ZEB1: variants seen among roughly 807,000 people sequenced by gnomAD.
The protein encoded by ZEB1 is zinc finger E-box binding homeobox 1, also known as zinc finger E-box-binding homeobox 1.
In ZEB1, 21 loss-of-function variants were observed where a neutral mutation model predicts 84.9. The observed-to-expected ratio is 0.25, with a 90% CI of 0.18 to 0.36. The LOEUF (loss-of-function observed/expected upper bound fraction) is 0.36. Among genes scored for constraint, ZEB1 ranks in the 10% least tolerant of loss-of-function variants. ZEB1 has a pLI of 1.00. For missense variants in ZEB1, 1,104 were observed against 1,330.2 expected (o/e 0.83, Z 2.65); for synonymous variants, 420 against 471.1 (o/e 0.89, Z 1.41).
chr10:31,500,077 T>C (rs1489307613), intron 3 of ZEB1, among the ~76,000 whole-genome samples: 2 of 151,998 alleles, frequency 1.3e-5, no homozygotes, highest in African/African-American at 2.4e-5. Context: ...GTAGAAAATA[T>C]AAGATGGAGA....
Position 31,527,081 on chromosome 10 carries a change from A to G in ZEB1, c.3195A>G (p.Glu1065=), listed in dbSNP as rs1592146630. The G allele has an allele frequency of 6.3e-7, 1 of 1,583,774 alleles. No individual in the cohort carries two copies. The highest frequency in any genetic ancestry group is 1.4e-5 in the African/African-American group (1 of 73,612). The part of the protein sequence containing the change: ...KECEKPQGDE[E]EEEEEEEVEE... ...GTGAAAAACCACAAGGGGATGAGGA[A>G]GAGGAGGAGGAGGAGGAAGAAGTGG... The change falls in exon 9 of 9, where the codon GAA becomes GAG. Residue 1065 remains glutamate (E), a synonymous_variant. Transcript: ENST00000424869.
rs2073794316 is a variant in ZEB1, at chr10:31,528,108, A to G, written c.*844A>G. ...TGAAGGATATGACATGAAGCTTTGT[A>G]TCTCCTTTGGCCTTAAGCAAGACCT... On this transcript the variant is annotated 3_prime_UTR_variant, in exon 9 of 9. Transcript: ENST00000424869. 6.6e-6 allele frequency: 1 copy of G among 152,190 alleles called. No individual in the cohort carries two copies. Among genetic ancestry groups the G allele is most frequent in the South Asian group, 2.1e-4 (1 of 4,828 alleles). The allele number at this position is 152,190 out of a possible 1,614,324, so 9.4% of individuals were successfully genotyped here.
chr10:31,526,616 A>G lies in ZEB1; in HGVS notation c.2786-56A>G, dbSNP rs1406935503. ...ACATGAAGTACCCCAAAAACCGTAT[A>G]AGGATTTTATTTGCTGAATACCACC... On this transcript the variant is annotated intron_variant, in intron 8 of 8. Transcript: ENST00000424869. 1.0e-5 allele frequency: 16 copies of G among 1,598,942 alleles called. No homozygotes were observed. In the Admixed American group the frequency reaches 2.3e-4, roughly 23 times the overall value.
In ZEB1 at chr10:31,521,023, C is replaced by T. The variant is rs774695750; in HGVS notation, c.1691C>T (p.Ala564Val). ...CCTACTCAGCCTCCTCCACTCCCTG[C>T]AGCAGAAGCTGAGAAGCCTGAGTCC... ...KQPTQPPPLP[A>V]AEAEKPESSV... The change falls in exon 7 of 9, where the codon GCA becomes GTA. Residue 564 changes from alanine to valine, a missense_variant. Around this residue, in one of 7 missense-constraint regions of ZEB1, gnomAD observed 531 missense variants for 575.2 expected, o/e 0.92. Transcript: ENST00000424869. The T allele has an allele frequency of 4.3e-6, 7 of 1,613,944 alleles. No homozygotes were observed. Among genetic ancestry groups the T allele is most frequent in the Non-Finnish European group, 5.9e-6 (7 of 1,180,004 alleles).
At chr10:31,510,542 T>G (rs748243919) in intron 4 of ZEB1, 131 bp from the exon 5 acceptor site, 15 of 722,758 alleles carry the variant, frequency 2.1e-5, no homozygotes, top group African/African-American at 3.5e-5. Flanking sequence ...ATGAGTATCA[T>G]TGCATTGTTT....
At chr10:31,363,013 C>G (rs745788724) in intron 1 of ZEB1, 1 of 1,533,826 alleles carries the variant, frequency 6.5e-7, no homozygotes, top group Non-Finnish European at 8.7e-7. Context: ...CCGCTCGTCT[C>G]TATCACACCT....
chr10:31,398,344 G>T (rs918842965), intron 1 of ZEB1, among the ~76,000 whole-genome samples: 1 of 151,708 alleles, frequency 6.6e-6, no homozygotes, highest in African/African-American at 2.4e-5. Flanking sequence ...TAATATTATT[G>T]TATGAGATAC....
chr10:31,461,985 G>A (rs190619308), intron 2 of ZEB1, among the ~76,000 whole-genome samples: 32 of 152,250 alleles, frequency 2.1e-4, no homozygotes, highest in African/African-American at 7.0e-4. Flanking sequence ...TAGAGAGGTT[G>A]GGGATCAGGA....
At chr10:31,436,111 G>A (rs891077498) in intron 1 of ZEB1, among the ~76,000 whole-genome samples, 8 of 152,186 alleles carry the variant, frequency 5.3e-5, no homozygotes, top group Admixed American at 5.2e-4. Flanking sequence ...AAGCGATAAT[G>A]TATGCAGTCG....
chr10:31,506,386 A>G (rs574251142), intron 4 of ZEB1, among the ~76,000 whole-genome samples: 41 of 152,162 alleles, frequency 2.7e-4, no homozygotes, highest in African/African-American at 9.9e-4. Flanking sequence ...CTATTATTGT[A>G]TTAGAATCTG....
chr10:31,349,398 C>T (rs1176818353), intron 1 of ZEB1, among the ~76,000 whole-genome samples: 2 of 152,182 alleles, frequency 1.3e-5, no homozygotes, highest in Admixed American at 6.5e-5. Context: ...ACAGATACCT[C>T]ATCAACACAC....
intron 1 of ZEB1, among the ~76,000 whole-genome samples, chr10:31,322,888 G>T (rs1312009469): frequency 6.6e-6 from 1 of 151,920 alleles, no homozygotes; most frequent in Non-Finnish European, 1.5e-5. Context: ...CACCAGTAGA[G>T]GATGCTAACA....
chr10:31,379,205 C>T lies in ZEB1; in HGVS notation c.58+59913C>T, dbSNP rs1177857098. 2.6e-5 allele frequency among the ~76,000 whole-genome samples: 4 copies of T among 152,070 alleles called. No individual in the cohort carries two copies. In the South Asian group the frequency reaches 8.3e-4, roughly 32 times the overall value. ...AGAATGCAGACCCAAGTAATATGCT[C>T]TAATAAAATCAGAAGGCAGCATGCT... is the stretch of plus-strand genomic sequence containing the variant. On this transcript the variant is annotated intron_variant, in intron 1 of 8. Coordinates refer to ENST00000424869, the MANE Select transcript of ZEB1 (RefSeq NM_001174096.2).
chr10:31,524,193 ATT>A, intron 8 of ZEB1, 80 bp downstream of exon 8: 1 of 1,443,090 alleles, frequency 6.9e-7, no homozygotes, highest in South Asian at 1.3e-5. Context: ...AAGTTTTAGA[ATT>A]TTCTTTCTTT....
At position 31,495,841 on chromosome 10, in the gene ZEB1, A is replaced by C; in HGVS notation, c.322+3A>C. On this transcript the variant is annotated splice_donor_region_variant and intron_variant, in intron 3 of 8. Transcript: ENST00000424869. The stretch of plus-strand genomic sequence containing the variant: ...GGCAGATGAAGCAGGATGTACAGGT[A>C]CTCTGCTGCGACTTTCTTTCATACC... 1.2e-6 allele frequency: 2 copies of C among 1,612,810 alleles called. No homozygotes were observed. Among genetic ancestry groups the C allele is most frequent in the African/African-American group, 1.3e-5 (1 of 74,970 alleles).
intron 2 of ZEB1, among the ~76,000 whole-genome samples, chr10:31,486,975 A>G (rs142042189): frequency 6.5e-4 from 99 of 151,446 alleles, no homozygotes; most frequent in Middle Eastern, 3.4e-3. Context: ...CATTTCTTCA[A>G]TATGGATGTC....
intron 1 of ZEB1, chr10:31,319,616 G>A (rs1323881259): frequency 5.7e-6 from 2 of 351,294 alleles, no homozygotes; most frequent in Non-Finnish European, 1.0e-5. Flanking sequence ...CGGGCGGCCG[G>A]GACGCACTGG....
intron 1 of ZEB1, chr10:31,372,876 A>T: frequency 2.0e-6 from 1 of 508,424 alleles, no homozygotes; most frequent in Non-Finnish European, 2.5e-6. Context: ...GGATTCTTTT[A>T]TTATAGCATG....
At chr10:31,369,651 A>G (rs191914298) in intron 1 of ZEB1, among the ~76,000 whole-genome samples, 2 of 152,368 alleles carry the variant, frequency 1.3e-5, no homozygotes, top group East Asian at 1.9e-4. Flanking sequence ...AAATAATGCA[A>G]CAATGAACAT....
Sources: allele counts gnomAD v4.1 joint callset (sites outside exome capture counted in the v4.1 genomes callset), GRCh38; gene constraint gnomAD v4.1.1; regional missense constraint gnomAD v4.1.1; transcripts MANE v1.5; gene names NCBI Gene and HGNC (gene_info 2026-07-23, HGNC 2026-07-21).